Variants in HABP4 observed in about 807,000 individuals in gnomAD.
HABP4 encodes the protein intracellular hyaluronan-binding protein 4.
A neutral mutation model predicts 44.1 loss-of-function variants in HABP4; 32 were observed. That is an observed-to-expected ratio of 0.73 (90% confidence interval 0.55 to 0.97). HABP4 has a LOEUF of 0.97. HABP4 is among the 50% of genes least tolerant of loss of function. The pLI, the probability that HABP4 is intolerant of heterozygous loss-of-function variation, is 0.00. For missense variants in HABP4, 503 were observed against 561.9 expected (o/e 0.90, Z 1.06); for synonymous variants, 216 against 218.0 (o/e 0.99, Z 0.08).
chr9:96,486,918 G>A lies in HABP4; in HGVS notation c.1000-1171G>A, dbSNP rs569611207. The stretch of plus-strand genomic sequence containing the variant: ...CCTGCCCCTTCCTGCAGTGGGAGGC[G>A]ACTCAGAGCAGGGACCCCAGGGAGA... On this transcript the variant is annotated intron_variant, in intron 6 of 7. Coordinates refer to ENST00000375249, the MANE Select transcript of HABP4 (RefSeq NM_014282.4). Among the ~76,000 whole-genome samples, 11 of 152,122 alleles carry A rather than the reference G, an allele frequency of 7.2e-5. No homozygotes were observed. The South Asian group carries it at 1.0e-3, about 14-fold the overall frequency.
chr9:96,476,863 GGCATTCGT>G (rs139497357), intron 5 of HABP4, among the ~76,000 whole-genome samples: 4 of 152,310 alleles, frequency 2.6e-5, no homozygotes, highest in African/African-American at 7.2e-5. Context: ...TGATAAGCAG[GGCATTCGT>G]GCCTCTGATA....
chr9:96,461,490 A>G (rs1465590666), intron 2 of HABP4, among the ~76,000 whole-genome samples: 4 of 152,008 alleles, frequency 2.6e-5, no homozygotes, highest in African/African-American at 9.7e-5. Flanking sequence ...TGCATTAAAA[A>G]CAGTAGTTTA....
chr9:96,453,458 G>A (rs1057328963), intron 1 of HABP4, among the ~76,000 whole-genome samples: 8 of 152,028 alleles, frequency 5.3e-5, no homozygotes, highest in Admixed American at 2.0e-4. Flanking sequence ...TGATCCGCCC[G>A]CCTCAGCCTC....
chr9:96,464,460 A>T (rs1206125609), intron 2 of HABP4, among the ~76,000 whole-genome samples: 6 of 152,202 alleles, frequency 3.9e-5, no homozygotes, highest in Non-Finnish European at 4.4e-5. Context: ...ATCCGTATAG[A>T]GCACCAAGAC....
rs1359883015 is a variant in HABP4 at position 96,465,412 on chromosome 9, CAGAGGT to C, written c.589_594del (p.Arg197_Gly198del). 1 of 1,609,292 alleles carries C rather than the reference CAGAGGT, an allele frequency of 6.2e-7. No homozygotes were observed. Among genetic ancestry groups the C allele is most frequent in the African/African-American group, 1.3e-5 (1 of 74,828 alleles). ...CGAGAGGGGGTATGCGCGGCAGAGG[CAGAGGT>C]GGCCCTGGGAACAGAGTTTTTGACG... On this transcript the variant is annotated inframe_deletion, in exon 3 of 8. Transcript: ENST00000375249.
intron 2 of HABP4, among the ~76,000 whole-genome samples, chr9:96,460,573 A>G (rs1267111187): frequency 6.6e-6 from 1 of 152,206 alleles, no homozygotes. Flanking sequence ...AAAAGAGAAA[A>G]CATTTCTGCT....
At chr9:96,454,730 G>T (rs186357472) in intron 1 of HABP4, among the ~76,000 whole-genome samples, 1 of 152,062 alleles carries the variant, frequency 6.6e-6, no homozygotes, top group Non-Finnish European at 1.5e-5. Flanking sequence ...TTACAGGCAT[G>T]AGCCACCGCG....
At chr9:96,452,109 T>C (rs1273510403) in intron 1 of HABP4, among the ~76,000 whole-genome samples, 1 of 151,182 alleles carries the variant, frequency 6.6e-6, no homozygotes, top group Non-Finnish European at 1.5e-5. Context: ...CACCTGTAGG[T>C]CCAGCTACTC....
chr9:96,457,686 G>T (rs906537643), intron 1 of HABP4, among the ~76,000 whole-genome samples: 5 of 152,106 alleles, frequency 3.3e-5, no homozygotes, highest in Admixed American at 2.6e-4. Context: ...TGGCCAACAT[G>T]GTGAAACCCT....
intron 1 of HABP4, among the ~76,000 whole-genome samples, chr9:96,457,774 A>G (rs891026754): frequency 6.6e-6 from 1 of 152,026 alleles, no homozygotes; most frequent in Non-Finnish European, 1.5e-5. Context: ...AGGCTGAGGC[A>G]TGAGAATTGC....
chr9:96,461,848 T>C (rs1173380865), intron 2 of HABP4, among the ~76,000 whole-genome samples: 1 of 152,108 alleles, frequency 6.6e-6, no homozygotes, highest in Non-Finnish European at 1.5e-5. Context: ...TATTCAAGCT[T>C]GGGGAAAGTG....
intron 5 of HABP4, among the ~76,000 whole-genome samples, chr9:96,481,970 CTG>C (rs1447270089): frequency 2.0e-5 from 3 of 148,750 alleles, no homozygotes; most frequent in Non-Finnish European, 3.0e-5. Context: ...GAATCTCACT[CTG>C]TTGTCCAGGC....
At chr9:96,484,752 A>AATCAGAGATGATGCATGCCT in intron 6 of HABP4, 119 bp downstream of exon 6, 1 of 660,558 alleles carries the variant, frequency 1.5e-6, no homozygotes. Flanking sequence ...CTTTGTTTCT[A>AATCAGAGATGATGCATGCCT]ATCAGAGATG....
chr9:96,450,334 A>G lies in HABP4; in HGVS notation c.55A>G (p.Ser19Gly). ...TGCCGCTGGCGCCGCGATGCAGGAGAGTTTCGGCTGCGTGGTGGCCAACCG... is the reference window on the plus strand; with the variant it reads ...TGCCGCTGGCGCCGCGATGCAGGAGGGTTTCGGCTGCGTGGTGGCCAACCG... ...VAAAGAAMQE[S>G]FGCVVANRFH... Residue 19 changes from serine to glycine, a missense_variant, in exon 1 of 8, where the codon AGT becomes GGT. Coordinates refer to ENST00000375249, the MANE Select transcript of HABP4 (RefSeq NM_014282.4). The surrounding 1 kb of genome is among the most constrained non-coding windows in gnomAD (Gnocchi z 4.8). 1.6e-6 allele frequency: 2 copies of G among 1,280,990 alleles called. No individual in the cohort carries two copies. The highest frequency in any genetic ancestry group is 2.6e-5 in the South Asian group (2 of 77,014). 79.4% of individuals were successfully genotyped at this position (1,280,990 alleles called of 1,614,324 possible). A position where few individuals can be genotyped will look rare whatever the true frequency, so the allele number is the denominator to read the frequency against.
chr9:96,456,807 A>ATG (rs1832400321), intron 1 of HABP4, among the ~76,000 whole-genome samples: 1 of 126,610 alleles, frequency 7.9e-6, no homozygotes, highest in Non-Finnish European at 1.7e-5. Context: ...ATATATATAT[A>ATG]TATATATATA....
At chr9:96,456,633 G>A (rs1214068757) in intron 1 of HABP4, among the ~76,000 whole-genome samples, 6 of 150,574 alleles carry the variant, frequency 4.0e-5, no homozygotes, top group Admixed American at 2.6e-4. Flanking sequence ...GGTGGCGGGC[G>A]CCTATAGTCC....
Position 96,484,612 on chromosome 9 carries a change from C to A in HABP4, c.978C>A (p.His326Gln). 1 of 1,587,906 alleles carries A rather than the reference C, an allele frequency of 6.3e-7. No homozygotes were observed. Among genetic ancestry groups the A allele is most frequent in the Non-Finnish European group, 8.6e-7 (1 of 1,156,580 alleles). The change falls in exon 6 of 8, where the codon CAC (histidine) becomes CAA (glutamine). Residue 326 changes from histidine to glutamine, a missense_variant. Physicochemically the swap from His to Gln is conservative, Grantham distance 24 (BLOSUM62 0). Around this residue, in one of 3 missense-constraint regions of HABP4, gnomAD observed 131 missense variants for 189.8 expected, o/e 0.69. Transcript: ENST00000375249. ...STVPSKAVVI[H>Q]KSKYRDDMVK... Reference sequence around the variant, plus strand: ...TTCCTTCCAAAGCCGTGGTGATTCACAAGTCAAAATACAGAGATGATGTAA... The same window carrying A: ...TTCCTTCCAAAGCCGTGGTGATTCAAAAGTCAAAATACAGAGATGATGTAA...
At chr9:96,462,028 C>T (rs1288420279) in intron 2 of HABP4, among the ~76,000 whole-genome samples, 1 of 151,778 alleles carries the variant, frequency 6.6e-6, no homozygotes, top group Non-Finnish European at 1.5e-5. Context: ...CGCCTGTAAT[C>T]CCAGCTACTC....
Position 96,490,148 on chromosome 9 carries a change from G to A in HABP4, c.*110G>A, listed in dbSNP as rs1275715017. 3.7e-5 allele frequency: 27 copies of A among 735,500 alleles called. No individual in the cohort carries two copies. Among genetic ancestry groups the A allele is most frequent in the East Asian group, 5.2e-5 (2 of 38,466 alleles). 45.6% of individuals were successfully genotyped at this position (735,500 alleles called of 1,614,324 possible). A position where few individuals can be genotyped will look rare whatever the true frequency, so the allele number is the denominator to read the frequency against. ...AAGAACAATAGATGTTGCTTTTCCC[G>A]TGTCATGTAAATTTGTTGCACTTTT... On this transcript the variant is annotated 3_prime_UTR_variant, in exon 8 of 8. Coordinates refer to ENST00000375249, the MANE Select transcript of HABP4 (RefSeq NM_014282.4).
Sources: allele counts gnomAD v4.1 joint callset (sites outside exome capture counted in the v4.1 genomes callset), GRCh38; gene constraint gnomAD v4.1.1; regional missense constraint gnomAD v4.1.1; non-coding constraint Gnocchi (gnomAD v3.1); transcripts MANE v1.5; gene names NCBI Gene and HGNC (gene_info 2026-07-23, HGNC 2026-07-21).